UNC79: variants seen among roughly 807,000 people sequenced by gnomAD.
UNC79 encodes unc-79 subunit of NALCN channel complex.
In UNC79, 37 loss-of-function variants were observed where a neutral mutation model predicts 283.1. The observed-to-expected ratio is 0.13, with a 90% CI of 0.10 to 0.17. The LOEUF (loss-of-function observed/expected upper bound fraction) is 0.17. Among genes scored for constraint, UNC79 ranks in the 10% least tolerant of loss-of-function variants. The pLI is 1.00. For synonymous variants in UNC79, 1,107 were observed against 1,200.2 expected (o/e 0.92, Z 1.61); for missense variants, 2,272 against 3,211.1 (o/e 0.71, Z 7.07).
chr14:93,363,289 A>G (rs983479859), intron 1 of UNC79, among the ~76,000 whole-genome samples: 5 of 152,078 alleles, frequency 3.3e-5, no homozygotes, highest in Non-Finnish European at 5.9e-5. Context: ...AGCTCTTGGT[A>G]TTGATTTCTA....
rs1313154227 is a variant in UNC79 at position 93,467,814 on chromosome 14, C to A, written c.143+23C>A. On this transcript the variant is annotated intron_variant, in intron 2 of 48. Transcript: ENST00000555664. Reference sequence around the variant, plus strand: ...AAGGTAAGCTTTACAATATCCTCTACTTTGAGAGAATTATTAGGTAGTATT... The same window carrying A: ...AAGGTAAGCTTTACAATATCCTCTAATTTGAGAGAATTATTAGGTAGTATT... 9.4e-6 allele frequency: 14 copies of A among 1,481,886 alleles called. No homozygotes were observed. In the African/African-American group the frequency reaches 1.6e-4, roughly 17 times the overall value. 91.8% of individuals were successfully genotyped at this position (1,481,886 alleles called of 1,614,324 possible). A position where few individuals can be genotyped will look rare whatever the true frequency, so the allele number is the denominator to read the frequency against.
chr14:93,431,425 C>T (rs1197268383), intron 1 of UNC79, among the ~76,000 whole-genome samples: 1 of 151,126 alleles, frequency 6.6e-6, no homozygotes, highest in African/African-American at 2.4e-5. Context: ...AAATCAGGGG[C>T]GGGGAACTGT....
chr14:93,627,452 A>G (rs2067657314), intron 30 of UNC79, among the ~76,000 whole-genome samples: 1 of 152,068 alleles, frequency 6.6e-6, no homozygotes, highest in African/African-American at 2.4e-5. Flanking sequence ...AGAGTCTACA[A>G]CTCACCTGGG....
At chr14:93,530,034 T>C (rs140385708) in intron 10 of UNC79, among the ~76,000 whole-genome samples, 220 of 152,256 alleles carry the variant, frequency 1.4e-3, no homozygotes, top group African/African-American at 5.2e-3. Flanking sequence ...GCAGGCATAC[T>C]AAGTTTGAGT....
At chr14:93,395,442 C>CAA (rs1305661797) in intron 1 of UNC79, among the ~76,000 whole-genome samples, 1 of 152,138 alleles carries the variant, frequency 6.6e-6, no homozygotes, top group African/African-American at 2.4e-5. Flanking sequence ...GCACATCTTA[C>CAA]CATGGTGGAG....
rs199859719 is a variant in UNC79, at chr14:93,603,422, G to A, written c.3754+4G>A. The A allele has an allele frequency of 5.6e-6, 9 of 1,613,278 alleles. No homozygotes were observed. The Admixed American group carries it at 6.7e-5, about 12-fold the overall frequency. ...GAGACCCTGACCTCCAAAATTCGTT[G>A]AGTATCTTCTTTCATCCTTCCGTTA... On this transcript the variant is annotated splice_donor_region_variant and intron_variant, in intron 26 of 48. Transcript: ENST00000555664.
intron 42 of UNC79, among the ~76,000 whole-genome samples, chr14:93,683,695 T>C (rs1277801233): frequency 6.6e-6 from 1 of 152,144 alleles, no homozygotes; most frequent in Admixed American, 6.6e-5. Flanking sequence ...AAAAGCAACA[T>C]ATAGGTCCCT....
intron 19 of UNC79, among the ~76,000 whole-genome samples, chr14:93,581,772 A>G (rs2141763955): frequency 6.6e-6 from 1 of 152,112 alleles, no homozygotes; most frequent in African/African-American, 2.4e-5. Context: ...GATTATAGGC[A>G]TGAGCCACCA....
intron 33 of UNC79, 42 bp from the exon 37 acceptor site, chr14:93,643,515 G>C: frequency 2.5e-6 from 4 of 1,613,162 alleles, no homozygotes; most frequent in Non-Finnish European, 3.4e-6. Flanking sequence ...TGAGACCATG[G>C]TTCTTTCTTT....
chr14:93,695,549 A>G (rs879863860), intron 47 of UNC79, among the ~76,000 whole-genome samples: 2 of 152,190 alleles, frequency 1.3e-5, no homozygotes, highest in African/African-American at 4.8e-5. Context: ...CTTGACTTAC[A>G]TTATGCCATG....
intron 17 of UNC79, among the ~76,000 whole-genome samples, chr14:93,576,341 G>C (rs1278602715): frequency 2.6e-5 from 4 of 151,990 alleles, no homozygotes; most frequent in Non-Finnish European, 5.9e-5. Context: ...AAATACCTAG[G>C]TGATAGGTTC....
At chr14:93,468,613 A>G (rs543254160) in intron 2 of UNC79, among the ~76,000 whole-genome samples, 1 of 152,352 alleles carries the variant, frequency 6.6e-6, no homozygotes, top group Non-Finnish European at 1.5e-5. Flanking sequence ...TTAGGAGAAC[A>G]CAAATTTGCA....
Position 93,617,085 on chromosome 14 carries a change from A to T in UNC79, c.4042-37A>T. 6.4e-7 allele frequency: 1 copy of T among 1,566,932 alleles called. No individual in the cohort carries two copies. The highest frequency in any genetic ancestry group is 2.3e-5 in the East Asian group (1 of 44,094). On this transcript the variant is annotated intron_variant, in intron 27 of 48. Coordinates refer to ENST00000555664, the Ensembl canonical transcript of UNC79. The surrounding 1 kb of genome is among the most constrained non-coding windows in gnomAD (Gnocchi z 4.5). ...CTTTTGACCTCTGAGTGTTCTTTGT[A>T]GTTTTCCATCAGTTATTAATATTTT...
At chr14:93,438,984 T>G (rs1332148293) in intron 1 of UNC79, among the ~76,000 whole-genome samples, 1 of 152,048 alleles carries the variant, frequency 6.6e-6, no homozygotes. Context: ...CCATCATAAT[T>G]GAGATGTATC....
intron 22 of UNC79, among the ~76,000 whole-genome samples, chr14:93,589,420 G>A (rs1157758690): frequency 6.6e-6 from 1 of 152,060 alleles, no homozygotes; most frequent in African/African-American, 2.4e-5. Context: ...AGGAGTCTCA[G>A]TCAGTATGGG....
At chr14:93,425,089 A>G (rs1359485246) in intron 1 of UNC79, among the ~76,000 whole-genome samples, 2 of 152,154 alleles carry the variant, frequency 1.3e-5, no homozygotes, top group South Asian at 2.1e-4. Context: ...GAGACTGGGT[A>G]ATTTATAAAG....
intron 7 of UNC79, among the ~76,000 whole-genome samples, chr14:93,512,775 A>G (rs2059888216): frequency 6.6e-6 from 1 of 152,126 alleles, no homozygotes; most frequent in Non-Finnish European, 1.5e-5. Context: ...TTTCATCTGA[A>G]TGATCTATTT....
Position 93,637,335 on chromosome 14 carries a change from T to C in UNC79, c.5800+36T>C, listed in dbSNP as rs569217474. ...TCACAGAGTCTCTGGCTGTAAAAGC[T>C]GAAGGAGACTGGACATGTCCATCAT... On this transcript the variant is annotated intron_variant, in intron 32 of 48. Transcript: ENST00000555664. 1.3e-5 allele frequency: 21 copies of C among 1,610,270 alleles called. No homozygotes were observed. The South Asian group carries it at 2.1e-4, about 16-fold the overall frequency.
At chr14:93,335,771 C>T (rs1595358272) in intron 1 of UNC79, among the ~76,000 whole-genome samples, 1 of 152,236 alleles carries the variant, frequency 6.6e-6, no homozygotes, top group East Asian at 1.9e-4. Flanking sequence ...AAAACCATGA[C>T]ATCATTTGAA....
Sources: allele counts gnomAD v4.1 joint callset (sites outside exome capture counted in the v4.1 genomes callset), GRCh38; gene constraint gnomAD v4.1.1; non-coding constraint Gnocchi (gnomAD v3.1); transcripts MANE v1.5; gene names NCBI Gene and HGNC (gene_info 2026-07-23, HGNC 2026-07-21).